The following ALMS1 variants were observed in gnomAD, a reference collection of about 807,000 sequenced individuals.
ALMS1 encodes centrosome-associated protein ALMS1.
A neutral mutation model predicts 352.2 loss-of-function variants in ALMS1; 271 were observed. The ratio of observed to expected loss-of-function variants is 0.77; its 90% confidence interval spans 0.70 to 0.85. The LOEUF (loss-of-function observed/expected upper bound fraction) is 0.85. Among genes scored for constraint, ALMS1 ranks in the 40% least tolerant of loss-of-function variants. ALMS1 has a pLI of 0.00. For missense variants in ALMS1, 5,445 were observed against 4,870.7 expected, an observed-to-expected ratio of 1.12 and a Z score of -3.51; for synonymous variants, 1,865 against 1,761.2, an observed-to-expected ratio of 1.06 and a Z score of -1.48.
chr2:73,549,851 G>A (rs1353769792), intron 12 of ALMS1, among the ~76,000 whole-genome samples: 1 of 151,848 alleles, frequency 6.6e-6, no homozygotes, highest in Non-Finnish European at 1.5e-5. Flanking sequence ...TTTTTTGTTT[G>A]TTCGTTTGTT....
intron 3 of ALMS1, among the ~76,000 whole-genome samples, chr2:73,419,604 GAGTTTTTGGGATGAATAGTAT>G (rs1671247362): frequency 6.6e-6 from 1 of 152,134 alleles, no homozygotes; most frequent in Non-Finnish European, 1.5e-5. Context: ...TGAATTTGCA[GAGTTTTTGGGATGAATAGTAT>G]ACTTTGGTTA....
At chr2:73,510,045 A>C (rs1294462128) in intron 10 of ALMS1, among the ~76,000 whole-genome samples, 3 of 152,048 alleles carry the variant, frequency 2.0e-5, no homozygotes, top group Non-Finnish European at 4.4e-5. Context: ...CGAATTTCTC[A>C]TGCTGTGTTT....
At chr2:73,599,291 C>G in intron 16 of ALMS1, 110 bp from the exon 17 acceptor site, 1 of 1,417,378 alleles carries the variant, frequency 7.1e-7, no homozygotes, top group Non-Finnish European at 9.8e-7. Flanking sequence ...CCAAATGCAT[C>G]TCAACAGTTT....
chr2:73,424,660 T>C lies in ALMS1; in HGVS notation c.995T>C (p.Ile332Thr). The C allele has an allele frequency of 1.2e-6, 2 of 1,614,056 alleles. No individual in the cohort carries two copies. The highest frequency in any genetic ancestry group is 1.7e-6 in the Non-Finnish European group (2 of 1,180,002). The change falls in exon 5 of 23, where the codon ATT becomes ACT. Residue 332 changes from isoleucine to threonine, a missense_variant. Coordinates refer to ENST00000613296, the MANE Select transcript of ALMS1 (RefSeq NM_001378454.1). ...ETISSVDELK[I>T]PKDCDRYDDL... ...ATTTCGTCTGTTGATGAACTGAAAA[T>C]TCCCAAAGACTGTGATCGTTATGAT...
intron 9 of ALMS1, among the ~76,000 whole-genome samples, chr2:73,489,362 T>G (rs1672924036): frequency 6.6e-6 from 1 of 152,214 alleles, no homozygotes; most frequent in East Asian, 1.9e-4. Context: ...TGAGAATACT[T>G]ACTGGTGGAC....
intron 12 of ALMS1, among the ~76,000 whole-genome samples, chr2:73,538,500 C>T (rs924096143): frequency 6.6e-6 from 1 of 152,246 alleles, no homozygotes; most frequent in South Asian, 2.1e-4. Flanking sequence ...AACTGAGGTA[C>T]TGGGTTCATC....
chr2:73,478,051 G>A (rs1284267281), intron 9 of ALMS1, among the ~76,000 whole-genome samples: 1 of 152,124 alleles, frequency 6.6e-6, no homozygotes, highest in African/African-American at 2.4e-5. Context: ...TTGATTGTAG[G>A]GAGAAAGCAT....
In ALMS1 at chr2:73,490,770, T is replaced by C. The variant is rs541559170; in HGVS notation, c.8811T>C (p.Tyr2937=). Residue 2937 remains tyrosine, a synonymous_variant, in exon 10 of 23, where the codon TAT becomes TAC. Transcript: ENST00000613296. ...TCTTTGAACAGTGCAAAGCCCCATA[T>C]GTAGATCATCAAATGAGAGAAAACC... ...RELFEQCKAP[Y]VDHQMRENHS... The C allele has an allele frequency of 3.2e-5, 51 of 1,614,126 alleles. No homozygotes were observed. In the East Asian group the frequency reaches 1.0e-3, roughly 33 times the overall value.
chr2:73,559,890 T>C (rs1384506445), intron 15 of ALMS1, among the ~76,000 whole-genome samples: 1 of 152,034 alleles, frequency 6.6e-6, no homozygotes, highest in African/African-American at 2.4e-5. Context: ...TCAAAAAGGG[T>C]TAGTGACATA....
At chr2:73,560,315 TAA>T (rs1205638281) in intron 15 of ALMS1, among the ~76,000 whole-genome samples, 3 of 152,080 alleles carry the variant, frequency 2.0e-5, no homozygotes, top group Non-Finnish European at 4.4e-5. Context: ...TCTCTAATCA[TAA>T]GAGAGATGCA....
At chr2:73,562,746 G>T (rs183046386) in intron 15 of ALMS1, among the ~76,000 whole-genome samples, 1 of 151,952 alleles carries the variant, frequency 6.6e-6, no homozygotes. Context: ...AATTAGCCGG[G>T]CATGGTGGTG....
chr2:73,412,168 TCAC>T (rs1572906647), intron 2 of ALMS1, among the ~76,000 whole-genome samples: 2 of 152,202 alleles, frequency 1.3e-5, no homozygotes, highest in African/African-American at 2.4e-5. Flanking sequence ...AGTCATGCAG[TCAC>T]CACCACATTT....
intron 2 of ALMS1, among the ~76,000 whole-genome samples, chr2:73,410,456 G>A (rs911814122): frequency 2.0e-5 from 3 of 152,130 alleles, no homozygotes; most frequent in Non-Finnish European, 2.9e-5. Flanking sequence ...CCTCACAGAC[G>A]TATCCAAAAT....
In ALMS1 at chr2:73,432,274, C is replaced by T. The variant is rs1306721731; in HGVS notation, c.1415C>T (p.Pro472Leu). 6.2e-7 allele frequency: 1 copy of T among 1,611,826 alleles called. No homozygotes were observed. The highest frequency in any genetic ancestry group is 1.1e-5 in the South Asian group (1 of 91,012). The change falls in exon 7 of 23, where the codon CCT becomes CTT. Residue 472 changes from proline (P) to leucine (L), a missense_variant. By Grantham distance (98) the Pro-to-Leu change is moderately conservative. Coordinates refer to ENST00000613296, the MANE Select transcript of ALMS1 (RefSeq NM_001378454.1). ...TCTCCTGACACTGTGCCAAAGGCTCCTAAACATTTAAAAGCAGGTACGTAG... is the reference window on the plus strand; with the variant it reads ...TCTCCTGACACTGTGCCAAAGGCTCTTAAACATTTAAAAGCAGGTACGTAG... The part of the protein sequence containing the change: ...RMSPDTVPKA[P>L]KHLKAGDTSK...
At chr2:73,535,923 AT>A (rs1407355954) in intron 12 of ALMS1, among the ~76,000 whole-genome samples, 34 of 152,300 alleles carry the variant, frequency 2.2e-4, no homozygotes, top group African/African-American at 7.7e-4. Flanking sequence ...TTAGGCAGAC[AT>A]TTTTGTTACT....
intron 10 of ALMS1, among the ~76,000 whole-genome samples, chr2:73,511,222 G>T (rs185928845): frequency 6.6e-6 from 1 of 151,790 alleles, no homozygotes; most frequent in Non-Finnish European, 1.5e-5. Context: ...CATTCCAGGC[G>T]CCACTGGAGT....
At chr2:73,553,354 A>G (rs753064997) in intron 13 of ALMS1, among the ~76,000 whole-genome samples, 10 of 152,212 alleles carry the variant, frequency 6.6e-5, no homozygotes, top group Non-Finnish European at 1.0e-4. Flanking sequence ...GGGCCAACAC[A>G]GGAAATGGGA....
At chr2:73,391,859 T>C (rs1670653744) in intron 1 of ALMS1, among the ~76,000 whole-genome samples, 1 of 152,184 alleles carries the variant, frequency 6.6e-6, no homozygotes, top group Non-Finnish European at 1.5e-5. Context: ...TTTTCTTTCT[T>C]GTATGTTTGA....
At chr2:73,567,303 CAG>C (rs1259408713) in intron 15 of ALMS1, among the ~76,000 whole-genome samples, 3 of 152,178 alleles carry the variant, frequency 2.0e-5, no homozygotes, top group African/African-American at 4.8e-5. Flanking sequence ...TTTTGAATAA[CAG>C]ACCCTCCTTG....
Sources: allele counts gnomAD v4.1 joint callset (sites outside exome capture counted in the v4.1 genomes callset), GRCh38; gene constraint gnomAD v4.1.1; transcripts MANE v1.5; gene names NCBI Gene and HGNC (gene_info 2026-07-23, HGNC 2026-07-21).